The following SLC6A5 variants were observed in gnomAD, a reference collection of about 807,000 sequenced individuals.
The protein encoded by SLC6A5 is sodium- and chloride-dependent glycine transporter 2.
A neutral mutation model predicts 90.5 loss-of-function variants in SLC6A5; 58 were observed. That is an observed-to-expected ratio of 0.64 (90% CI 0.52 to 0.80). The LOEUF (loss-of-function observed/expected upper bound fraction) is 0.80, where lower values mean the gene tolerates loss of function less well. SLC6A5 is among the 30% of genes least tolerant of loss of function. SLC6A5 has a pLI of 0.00. For synonymous variants in SLC6A5, 427 were observed against 401.4 expected, an observed-to-expected ratio of 1.06 and a Z score of -0.76; for missense variants, 1,015 against 1,017.6, an observed-to-expected ratio of 1.00 and a Z score of 0.03.
intron 8 of SLC6A5, 116 bp from the exon 9 acceptor site, chr11:20,627,864 C>T (rs1853029138): frequency 1.3e-6 from 1 of 764,266 alleles, no homozygotes; most frequent in Non-Finnish European, 2.3e-6. Context: ...TGTCGGGGGT[C>T]ATCTTGTCCC....
In SLC6A5 at chr11:20,627,567, A is replaced by G. The variant is rs76893290; in HGVS notation, c.1396-413A>G. On this transcript the variant is annotated intron_variant, in intron 8 of 15. Transcript: ENST00000525748. The stretch of plus-strand genomic sequence containing the variant: ...ACTGAGATTGGGGCTACAGAGTTTC[A>G]GAAATTTAATAGCAGTTGTAATCTG... Among the ~76,000 whole-genome samples, 262 of 152,354 alleles carry G rather than the reference A, an allele frequency of 1.7e-3. 4 individuals carry two copies. In the East Asian group the frequency reaches 0.032, roughly 19 times the overall value.
At chr11:20,629,842 A>T (rs986977433) in intron 9 of SLC6A5, among the ~76,000 whole-genome samples, 2 of 151,224 alleles carry the variant, frequency 1.3e-5, no homozygotes, top group Admixed American at 6.6e-5. Flanking sequence ...CAATTCAAGT[A>T]GCTGGGATTG....
chr11:20,651,038 G>C (rs915406076), intron 14 of SLC6A5, among the ~76,000 whole-genome samples: 2 of 151,996 alleles, frequency 1.3e-5, no homozygotes, highest in Non-Finnish European at 2.9e-5. Context: ...CTTATTATAG[G>C]ACCAAGCTTC....
chr11:20,634,893 C>A (rs1853174744), intron 10 of SLC6A5, among the ~76,000 whole-genome samples: 1 of 152,140 alleles, frequency 6.6e-6, no homozygotes. Flanking sequence ...CGCCCACATT[C>A]ACTTGTCTCT....
chr11:20,638,968 TA>T (rs901570661), intron 13 of SLC6A5, among the ~76,000 whole-genome samples: 1 of 152,146 alleles, frequency 6.6e-6, no homozygotes, highest in Non-Finnish European at 1.5e-5. Flanking sequence ...GGTCCCTGGG[TA>T]CTGTAGTGAG....
rs2276430 is a variant in SLC6A5, at chr11:20,628,294, G to T, written c.1499+211G>T. ...CTTACACACCTGGCTCTGACACATG[G>T]GGGAGGCTCAGTGGCTATTTACAGG... On this transcript the variant is annotated intron_variant, in intron 9 of 15. Transcript: ENST00000525748. Among the ~76,000 whole-genome samples, 13,357 of 152,256 alleles carry T rather than the reference G, an allele frequency of 0.088. 659 individuals carry two copies. Among genetic ancestry groups the T allele is most frequent in the East Asian group, 0.21 (1,083 of 5,166 alleles).
chr11:20,647,696 C>G (rs1367355832), intron 14 of SLC6A5, among the ~76,000 whole-genome samples: 2 of 152,122 alleles, frequency 1.3e-5, no homozygotes, highest in African/African-American at 4.8e-5. Context: ...CTCCACTTTA[C>G]AGATGAGGAA....
chr11:20,645,407 C>G (rs1407248113), intron 13 of SLC6A5, among the ~76,000 whole-genome samples: 2 of 151,914 alleles, frequency 1.3e-5, no homozygotes, highest in Non-Finnish European at 2.9e-5. Flanking sequence ...AAGAGGAGCA[C>G]CCAGAGACTG....
intron 3 of SLC6A5, among the ~76,000 whole-genome samples, chr11:20,606,759 C>T (rs763177847): frequency 4.6e-5 from 7 of 152,110 alleles, no homozygotes; most frequent in Non-Finnish European, 7.3e-5. Flanking sequence ...TATCCCTAGC[C>T]ATCTGCCAGT....
rs142440636 is a variant in SLC6A5 at position 20,652,389 on chromosome 11, G to C, written c.2171G>C (p.Cys724Ser). The change falls in exon 15 of 16, where the codon TGT becomes TCT. Residue 724 changes from cysteine (C) to serine (S), a missense_variant. Cys to Ser is a moderately radical substitution (Grantham distance 112, BLOSUM62 -1). Around this residue, in one of 3 missense-constraint regions of SLC6A5, gnomAD observed 442 missense variants for 494.3 expected, o/e 0.89. Coordinates refer to ENST00000525748, the MANE Select transcript of SLC6A5 (RefSeq NM_004211.5). Reference protein sequence around the residue: ...SMVLGWLMLACSVIWIPIMFV... With the variant: ...SMVLGWLMLASSVIWIPIMFV... ...GTGCTCGGATGGCTAATGCTCGCCT[G>C]TTCCGTCATCTGGATCCCAATTATG... 205 of 1,614,088 alleles carry C rather than the reference G, an allele frequency of 1.3e-4. No homozygotes were observed. The African/African-American group carries it at 2.5e-3, about 20-fold the overall frequency.
chr11:20,622,864 C>T (rs1294742357), intron 7 of SLC6A5, among the ~76,000 whole-genome samples: 1 of 152,218 alleles, frequency 6.6e-6, no homozygotes, highest in African/African-American at 2.4e-5. Context: ...CCCATCCCAT[C>T]CCCGTGCTGT....
chr11:20,633,751 C>T (rs564860127), intron 10 of SLC6A5, among the ~76,000 whole-genome samples: 18 of 152,280 alleles, frequency 1.2e-4, no homozygotes, highest in East Asian at 9.7e-4. Flanking sequence ...TTAATTCTCA[C>T]GGAAGCTCTA....
chr11:20,635,093 C>T (rs1212335800), intron 10 of SLC6A5, among the ~76,000 whole-genome samples: 2 of 152,056 alleles, frequency 1.3e-5, no homozygotes, highest in Admixed American at 6.6e-5. Flanking sequence ...CTAGAGAAAA[C>T]CTGAATCAGA....
chr11:20,650,981 T>C (rs566960004), intron 14 of SLC6A5, among the ~76,000 whole-genome samples: 64 of 151,818 alleles, frequency 4.2e-4, no homozygotes, highest in Non-Finnish European at 2.8e-4. Flanking sequence ...CCTGTTCTTA[T>C]TGAGTCATTT....
intron 8 of SLC6A5, among the ~76,000 whole-genome samples, chr11:20,627,636 T>A (rs1327248856): frequency 6.6e-6 from 1 of 152,348 alleles, no homozygotes; most frequent in Non-Finnish European, 1.5e-5. Flanking sequence ...CATCCGTTGT[T>A]ATATTTTTCT....
chr11:20,604,439 C>T lies in SLC6A5; in HGVS notation c.679+15C>T, dbSNP rs746029214. The T allele has an allele frequency of 2.5e-5, 40 of 1,612,214 alleles. No homozygotes were observed. The highest frequency in any genetic ancestry group is 2.1e-5 in the Non-Finnish European group (25 of 1,179,434). On this transcript the variant is annotated intron_variant, in intron 3 of 15. Transcript: ENST00000525748. ...GAACGGGGGAGGTATGGCTTTTCCG[C>T]TCTTTCCGCCTGCGGCGGGGCGGGG... is the stretch of plus-strand genomic sequence containing the variant.
At chr11:20,623,122 T>C (rs1691267855) in intron 7 of SLC6A5, among the ~76,000 whole-genome samples, 1 of 152,054 alleles carries the variant, frequency 6.6e-6, no homozygotes, top group Admixed American at 6.5e-5. Flanking sequence ...GCAAGTTCTT[T>C]GAGACAAGGA....
At chr11:20,633,819 A>G (rs1853151373) in intron 10 of SLC6A5, among the ~76,000 whole-genome samples, 1 of 152,202 alleles carries the variant, frequency 6.6e-6, no homozygotes, top group Non-Finnish European at 1.5e-5. Flanking sequence ...AAGTTTGTCT[A>G]GAGAGAACAA....
intron 10 of SLC6A5, among the ~76,000 whole-genome samples, chr11:20,631,218 C>A (rs551662499): frequency 2.6e-5 from 4 of 152,168 alleles, no homozygotes; most frequent in Non-Finnish European, 4.4e-5. Flanking sequence ...AAGGCCCTGT[C>A]GAAACCAAGG....
Sources: allele counts gnomAD v4.1 joint callset (sites outside exome capture counted in the v4.1 genomes callset), GRCh38; gene constraint gnomAD v4.1.1; regional missense constraint gnomAD v4.1.1; transcripts MANE v1.5; gene names NCBI Gene and HGNC (gene_info 2026-07-23, HGNC 2026-07-21).